Variants in PDK1 observed in about 807,000 individuals in gnomAD.
PDK1 encodes [Pyruvate dehydrogenase (acetyl-transferring)] kinase isozyme 1, mitochondrial.
PDK1 carries 39 observed loss-of-function variants against 54.2 expected under a neutral mutation model. The observed-to-expected ratio is 0.72, with a 90% CI of 0.56 to 0.94. PDK1 has a LOEUF of 0.94. PDK1 is among the 40% of genes least tolerant of loss of function. The pLI, the probability that PDK1 is intolerant of heterozygous loss-of-function variation, is 0.00. For missense variants in PDK1, 552 were observed against 566.0 expected (o/e 0.98, Z 0.25); for synonymous variants, 221 against 207.1 (o/e 1.07, Z -0.58).
At chr2:172,561,288 C>A (rs1386521502) in intron 2 of PDK1, among the ~76,000 whole-genome samples, 1 of 152,112 alleles carries the variant, frequency 6.6e-6, no homozygotes, top group African/African-American at 2.4e-5. Context: ...GTTGTTCTTG[C>A]CAATTAAGAG....
the PDK1 span, among the ~76,000 whole-genome samples, chr2:172,673,462 T>C: frequency 6.6e-6 from 1 of 152,198 alleles, no homozygotes. Flanking sequence ...TTTCTATCTA[T>C]TGGGAAACTG....
the PDK1 span, among the ~76,000 whole-genome samples, chr2:172,622,077 T>TGTGAGA: frequency 1.5e-5 from 2 of 137,542 alleles, no homozygotes; most frequent in South Asian, 5.4e-4. Flanking sequence ...ATCTCATATA[T>TGTGAGA]TATGTGAGAT....
chr2:172,566,707 A>AG (rs1688966238), intron 5 of PDK1, 149 bp from the exon 6 acceptor site: 1 of 516,736 alleles, frequency 1.9e-6, no homozygotes, highest in Non-Finnish European at 3.3e-6. Flanking sequence ...AAAAAAAAAA[A>AG]AAAAAGCAGA....
At chr2:172,579,537 T>TC (rs1341744828) in intron 8 of PDK1, among the ~76,000 whole-genome samples, 1 of 150,760 alleles carries the variant, frequency 6.6e-6, no homozygotes, top group African/African-American at 2.4e-5. Context: ...TTTTTTTTTT[T>TC]TTTTTGGTGC....
chr2:172,590,398 C>A (rs2149287532), intron 9 of PDK1, among the ~76,000 whole-genome samples: 1 of 152,004 alleles, frequency 6.6e-6, no homozygotes, highest in African/African-American at 2.4e-5. Context: ...GGAGTTTGTT[C>A]CTTCAGATGT....
the PDK1 span, among the ~76,000 whole-genome samples, chr2:172,683,543 T>C: frequency 5.9e-5 from 9 of 152,258 alleles, no homozygotes; most frequent in African/African-American, 2.2e-4. Flanking sequence ...TGTGTTAAAT[T>C]TGAGATGTTA....
intron 2 of PDK1, 95 bp from the exon 3 acceptor site, chr2:172,562,125 T>A: frequency 1.4e-6 from 1 of 707,546 alleles, no homozygotes; most frequent in East Asian, 2.6e-5. Flanking sequence ...AATTAAAAAT[T>A]ATAAAATGCT....
Position 172,595,953 on chromosome 2 carries a change from C to T in PDK1, c.1295C>T (p.Thr432Met), listed in dbSNP as rs755784573. 8.7e-6 allele frequency: 14 copies of T among 1,611,688 alleles called. No homozygotes were observed. The highest frequency in any genetic ancestry group is 3.3e-4 in the Middle Eastern group (2 of 6,060). Residue 432 changes from threonine to methionine, a missense_variant, in exon 11 of 11, where the codon ACG becomes ATG. Thr to Met is a moderately conservative substitution (Grantham distance 81). Transcript: ENST00000282077. ...VPSREPKDMTTFRSA is the reference protein window; with the variant it reads ...VPSREPKDMTMFRSA ...AGCAGAGAACCCAAAGACATGACGACGTTCCGCAGTGCCTAGACACACTTG... is the reference window on the plus strand; with the variant it reads ...AGCAGAGAACCCAAAGACATGACGATGTTCCGCAGTGCCTAGACACACTTG...
chr2:172,585,606 G>A lies in PDK1; in HGVS notation c.946-672G>A, dbSNP rs1174486781. ...CTTCCAAAGTGCTGGGATTACAGGT[G>A]TGCATGTTTAATTTGCTTCTAGTCA... On this transcript the variant is annotated intron_variant, in intron 8 of 10. Transcript: ENST00000282077. Among the ~76,000 whole-genome samples the A allele has an allele frequency of 2.6e-5, 4 of 151,974 alleles. No individual in the cohort carries two copies. In the East Asian group the frequency reaches 7.7e-4, roughly 29 times the overall value.
At chr2:172,644,839 G>T in the PDK1 span, among the ~76,000 whole-genome samples, 1 of 150,942 alleles carries the variant, frequency 6.6e-6, no homozygotes, top group Admixed American at 6.6e-5. Context: ...TATAATACTA[G>T]CTTTAGCCTC....
chr2:172,636,229 G>T, the PDK1 span, among the ~76,000 whole-genome samples: 1 of 152,200 alleles, frequency 6.6e-6, no homozygotes, highest in Non-Finnish European at 1.5e-5. Context: ...AAGAAAGGGG[G>T]TTTATTTGGC....
chr2:172,630,565 C>T, the PDK1 span, among the ~76,000 whole-genome samples: 1 of 152,106 alleles, frequency 6.6e-6, no homozygotes, highest in Non-Finnish European at 1.5e-5. Flanking sequence ...TCTACCATGT[C>T]CTTCACTGAA....
chr2:172,719,199 A>G, the PDK1 span, among the ~76,000 whole-genome samples: 108 of 152,334 alleles, frequency 7.1e-4, no homozygotes, highest in African/African-American at 2.5e-3. Flanking sequence ...GATGTACTAC[A>G]CTTTATCCAT....
rs1691022376 is a variant in PDK1 at position 172,599,088 on chromosome 2, T to G, written c.*3119T>G. 1 of 152,018 alleles carries G rather than the reference T, an allele frequency of 6.6e-6. No individual in the cohort carries two copies. Among genetic ancestry groups the G allele is most frequent in the South Asian group, 2.1e-4 (1 of 4,824 alleles). The allele number at this position is 152,018 out of a possible 1,614,324, so 9.4% of individuals were successfully genotyped here. On this transcript the variant is annotated 3_prime_UTR_variant, in exon 11 of 11. Transcript: ENST00000282077. ...TTGACTTGTTGCATAAATGAAGATC[T>G]TCTGTTGTGTGCTTTTCAAACACTG...
the PDK1 span, among the ~76,000 whole-genome samples, chr2:172,654,509 G>A: frequency 2.7e-5 from 4 of 149,870 alleles, no homozygotes; most frequent in Admixed American, 2.0e-4. Context: ...CTATCGCAAG[G>A]ACAGAAAACC....
intron 3 of PDK1, chr2:172,562,707 T>G (rs747294143): frequency 8.6e-7 from 1 of 1,158,110 alleles, no homozygotes; most frequent in Non-Finnish European, 1.3e-6. Context: ...TTTTGAAAGA[T>G]TGGTAACTAA....
At chr2:172,629,552 G>A in the PDK1 span, among the ~76,000 whole-genome samples, 8 of 152,176 alleles carry the variant, frequency 5.3e-5, no homozygotes, top group African/African-American at 1.4e-4. Context: ...CCCCTATCCC[G>A]CTGAGAGCCA....
At chr2:172,662,324 G>A in the PDK1 span, among the ~76,000 whole-genome samples, 1 of 152,172 alleles carries the variant, frequency 6.6e-6, no homozygotes, top group Admixed American at 6.5e-5. Flanking sequence ...CTCTGTGGAT[G>A]AGAAGAAGCT....
At chr2:172,586,218 T>G in intron 8 of PDK1, 60 bp from the exon 9 acceptor site, 1 of 905,670 alleles carries the variant, frequency 1.1e-6, no homozygotes, top group Non-Finnish European at 1.8e-6. Context: ...TATGAGTATG[T>G]GTTGATATTT....
Sources: gnomAD v4.1 joint callset for allele counts (sites outside exome capture counted in the v4.1 genomes callset) on GRCh38, gnomAD v4.1.1 for gene constraint, MANE v1.5 for transcripts, NCBI Gene and HGNC (gene_info 2026-07-23, HGNC 2026-07-21) for gene names.